The following CS variants were observed in gnomAD, a reference collection of about 807,000 sequenced individuals.
CS encodes citrate synthase.
Under a neutral mutation model 61.4 loss-of-function variants are expected in CS, and 13 were observed. That is an observed-to-expected ratio of 0.21 (90% CI 0.14 to 0.34). CS has a LOEUF of 0.34. Ranked by LOEUF, CS falls within the 10% of genes least tolerant of loss-of-function variation. The pLI, the probability that CS is intolerant of heterozygous loss-of-function variation, is 1.00. For missense variants in CS, 278 were observed against 573.4 expected (o/e 0.48, Z 5.26); for synonymous variants, 159 against 215.2 (o/e 0.74, Z 2.29).
At chr12:56,297,648 G>A (rs1352644235) in intron 1 of CS, among the ~76,000 whole-genome samples, 3 of 152,102 alleles carry the variant, frequency 2.0e-5, no homozygotes, top group African/African-American at 7.2e-5. Context: ...AGGTTACAGT[G>A]AGCGGAGATT....
At chr12:56,279,051 A>C (rs1436321729) in intron 6 of CS, among the ~76,000 whole-genome samples, 4 of 152,148 alleles carry the variant, frequency 2.6e-5, no homozygotes, top group East Asian at 1.9e-4. Flanking sequence ...CTGGGATTAC[A>C]AGCATGAGTC....
In CS at chr12:56,278,513, C is replaced by T. The variant is rs144591466; in HGVS notation, c.589-2318G>A. Among the ~76,000 whole-genome samples the T allele has an allele frequency of 4.3e-3, 652 of 152,078 alleles. 1 individual carries two copies. The highest frequency in any genetic ancestry group is 0.012 in the African/African-American group (505 of 41,534). On this transcript the variant is annotated intron_variant, in intron 6 of 10. Transcript: ENST00000351328. ...CAGAACTTTGGGAGGCTGAGGAGCG[C>T]GGATCAAGAGGTCAACAGATCAAGA...
chr12:56,279,180 C>T lies in CS; in HGVS notation c.589-2985G>A, dbSNP rs1167766438. Among the ~76,000 whole-genome samples, 3 of 152,180 alleles carry T rather than the reference C, an allele frequency of 2.0e-5. No individual in the cohort carries two copies. The East Asian group carries it at 5.8e-4, about 29-fold the overall frequency. ...CTGGTTGCATCAGAGCAATCAATCT[C>T]CTTGTTCTGAGTGACCTTAAGTCAA... On this transcript the variant is annotated intron_variant, in intron 6 of 10. Transcript: ENST00000351328.
chr12:56,297,276 C>T (rs1220624037), intron 1 of CS, among the ~76,000 whole-genome samples: 1 of 152,166 alleles, frequency 6.6e-6, no homozygotes, highest in Non-Finnish European at 1.5e-5. Context: ...TGTGAAAAGA[C>T]ATTTTTGATG....
At position 56,300,147 on chromosome 12, in the gene CS, C is replaced by A; in HGVS notation, c.42+13G>T. 6.4e-7 allele frequency: 1 copy of A among 1,559,518 alleles called. No homozygotes were observed. Among genetic ancestry groups the A allele is most frequent in the Non-Finnish European group, 8.7e-7 (1 of 1,153,102 alleles). ...CACCCTGGGACGGCGTGCTCCCTCCCCTCGCTGCTCACCTTGGTTCCCAAG... is the reference window on the plus strand; with the variant it reads ...CACCCTGGGACGGCGTGCTCCCTCCACTCGCTGCTCACCTTGGTTCCCAAG... On this transcript the variant is annotated intron_variant, in intron 1 of 10. Transcript: ENST00000351328.
chr12:56,282,537 G>T lies in CS; in HGVS notation c.471C>A (p.Asn157Lys). 1 of 1,612,824 alleles carries T rather than the reference G, an allele frequency of 6.2e-7. No individual in the cohort carries two copies. Among genetic ancestry groups the T allele is most frequent in the Non-Finnish European group, 8.5e-7 (1 of 1,179,398 alleles). ...LPSHVVTMLD[N>K]FPTNLHPMSQ... is the part of the protein sequence containing the mutation. Reference sequence around the variant, plus strand: ...ACATGGGGTGTAGATTGGTGGGAAAGTTGTCCAGCATGGTGACCACATGGG... The same window carrying T: ...ACATGGGGTGTAGATTGGTGGGAAATTTGTCCAGCATGGTGACCACATGGG... The change falls in exon 6 of 11, where the codon AAC (asparagine) becomes AAA (lysine). Residue 157 changes from asparagine (N) to lysine (K), a missense_variant. By Grantham distance (94) the Asn-to-Lys change is moderately conservative. Coordinates refer to ENST00000351328, the MANE Select transcript of CS (RefSeq NM_004077.3).
intron 7 of CS, chr12:56,275,589 A>T (rs3782236): frequency 0.035 from 6,375 of 182,556 alleles, 238 homozygotes; most frequent in South Asian, 0.086. Flanking sequence ...AAAAAAAAAA[A>T]GCATCCTAAT....
chr12:56,284,190 G>A (rs1872859870), intron 3 of CS, among the ~76,000 whole-genome samples: 1 of 151,822 alleles, frequency 6.6e-6, no homozygotes, highest in Non-Finnish European at 1.5e-5. Flanking sequence ...CATGGTGTAT[G>A]TGCCTGTAAT....
At chr12:56,288,346 ATTTTT>A in intron 1 of CS, among the ~76,000 whole-genome samples, 1 of 123,148 alleles carries the variant, frequency 8.1e-6, no homozygotes, top group Non-Finnish European at 1.7e-5. Context: ...GCTTTTTAGA[ATTTTT>A]TTTTTTTTTT....
chr12:56,290,500 G>A (rs1449594854), intron 1 of CS, among the ~76,000 whole-genome samples: 2 of 152,130 alleles, frequency 1.3e-5, no homozygotes, highest in African/African-American at 2.4e-5. Flanking sequence ...GTGAGCCACC[G>A]CGCTCAGCCT....
rs1315050251 is a variant in CS, at chr12:56,285,994, T to A, written c.123A>T (p.Ile41=). 6.2e-7 allele frequency: 1 copy of A among 1,613,904 alleles called. No individual in the cohort carries two copies. Among genetic ancestry groups the A allele is most frequent in the Admixed American group, 1.7e-5 (1 of 60,014 alleles). Residue 41 remains isoleucine, a synonymous_variant, in exon 3 of 11, where the codon ATA becomes ATT. Coordinates refer to ENST00000351328, the MANE Select transcript of CS (RefSeq NM_004077.3). ...TNLKDILADL[I]PKEQARIKTF... is the part of the protein sequence containing the mutation. ...TCTTAATTCTGGCCTGCTCCTTAGG[T>A]ATCAGGTCAGCCAATATGTCTTTCA...
At chr12:56,276,285 G>A in intron 6 of CS, 90 bp from the exon 7 acceptor site, 1 of 1,226,980 alleles carries the variant, frequency 8.2e-7, no homozygotes. Context: ...CCATGAATTG[G>A]GGCTATTTGG....
At position 56,275,288 on chromosome 12, in the gene CS, A is replaced by G; in HGVS notation, c.789-157T>C. The G allele has an allele frequency of 3.4e-6, 3 of 872,356 alleles. 1 individual carries two copies. Among genetic ancestry groups the G allele is most frequent in the Non-Finnish European group, 5.2e-6 (3 of 576,450 alleles). The allele number at this position is 872,356 out of a possible 1,614,324, so 54.0% of individuals were successfully genotyped here. A position where few individuals can be genotyped will look rare whatever the true frequency, so the allele number is the denominator to read the frequency against. On this transcript the variant is annotated intron_variant, in intron 7 of 10. Coordinates refer to ENST00000351328, the MANE Select transcript of CS (RefSeq NM_004077.3). ...CTAAACTCTTGTAAAAGACATCCTAATCTTGGCCAGGCACAGTGGCTCACG... is the reference window on the plus strand; with the variant it reads ...CTAAACTCTTGTAAAAGACATCCTAGTCTTGGCCAGGCACAGTGGCTCACG...
chr12:56,285,911 C>G lies in CS; in HGVS notation c.201+5G>C, dbSNP rs756098414. 6.2e-7 allele frequency: 1 copy of G among 1,610,516 alleles called. No homozygotes were observed. The highest frequency in any genetic ancestry group is 1.7e-5 in the Admixed American group (1 of 59,998). On this transcript the variant is annotated splice_donor_5th_base_variant and intron_variant, in intron 3 of 10. Transcript: ENST00000351328. ...TTTTCCCAGCCAAAGCCACACAACC[C>G]TTACCATGTCCACAGTGATTTGGCC...
intron 6 of CS, among the ~76,000 whole-genome samples, chr12:56,280,364 G>C (rs914593694): frequency 5.7e-5 from 8 of 141,330 alleles, no homozygotes; most frequent in Admixed American, 2.4e-4. Context: ...GCAGTGAGCT[G>C]AGATCGTGCC....
chr12:56,283,758 A>G (rs754336798), intron 4 of CS, 34 bp downstream of exon 4: 4 of 1,540,310 alleles, frequency 2.6e-6, no homozygotes, highest in South Asian at 2.2e-5. Context: ...CACAAACTCA[A>G]TGATTATTAG....
intron 6 of CS, among the ~76,000 whole-genome samples, chr12:56,276,644 T>C (rs1347735043): frequency 6.6e-6 from 1 of 152,138 alleles, no homozygotes; most frequent in African/African-American, 2.4e-5. Context: ...CAAGTTCAAG[T>C]GATTCTCCTG....
intron 1 of CS, among the ~76,000 whole-genome samples, chr12:56,290,534 C>T (rs976946357): frequency 4.0e-5 from 6 of 151,850 alleles, no homozygotes; most frequent in African/African-American, 9.7e-5. Flanking sequence ...TAGCACCGTT[C>T]GGTGTCAGGT....
intron 1 of CS, among the ~76,000 whole-genome samples, chr12:56,295,751 G>A (rs181006907): frequency 0.046 from 6,917 of 150,224 alleles, 223 homozygotes; most frequent in Non-Finnish European, 0.069. Context: ...TCAGGAGATC[G>A]AGACCATCCT....
Sources: allele counts gnomAD v4.1 joint callset (sites outside exome capture counted in the v4.1 genomes callset), GRCh38; gene constraint gnomAD v4.1.1; transcripts MANE v1.5; gene names NCBI Gene and HGNC (gene_info 2026-07-23, HGNC 2026-07-21).